The following SLC13A5 variants were observed in gnomAD, a reference collection of about 807,000 sequenced individuals.
SLC13A5 encodes Na(+)/citrate cotransporter.
In SLC13A5, 25 loss-of-function variants were observed where a neutral mutation model predicts 56.5. The ratio of observed to expected loss-of-function variants is 0.44; its 90% CI spans 0.32 to 0.62. The LOEUF is 0.62. Ranked by LOEUF, SLC13A5 falls within the 20% of genes least tolerant of loss-of-function variation. The pLI, the probability that SLC13A5 is intolerant of heterozygous loss-of-function variation, is 0.04. For missense variants in SLC13A5, 649 were observed against 737.8 expected, an observed-to-expected ratio of 0.88 and a Z score of 1.39; for synonymous variants, 307 against 301.5, an observed-to-expected ratio of 1.02 and a Z score of -0.19.
In SLC13A5 at chr17:6,713,211, C is replaced by T. The variant is rs1974086064; in HGVS notation, c.102+21G>A. 1 of 1,611,590 alleles carries T rather than the reference C, an allele frequency of 6.2e-7. No homozygotes were observed. The highest frequency in any genetic ancestry group is 1.3e-5 in the African/African-American group (1 of 74,886). ...CACAGGACGCCGGGTGTCCGAAGGG[C>T]TGCCTGGAGATGCAACTGACCTTGG... is the stretch of plus-strand genomic sequence containing the variant. On this transcript the variant is annotated intron_variant, in intron 1 of 11. Transcript: ENST00000433363. The surrounding 1 kb of genome is among the most constrained non-coding windows in gnomAD (Gnocchi z 7.3).
chr17:6,706,762 A>G lies in SLC13A5; in HGVS notation c.248T>C (p.Met83Thr). ...CAGGAACAGCATGTTGGTGTCCTTCATGTACTGGACACACACCTGGAGCGT... is the reference window on the plus strand; with the variant it reads ...CAGGAACAGCATGTTGGTGTCCTTCGTGTACTGGACACACACCTGGAGCGT... ...LDSRQVCVQYMKDTNMLFLGG... is the reference protein window; with the variant it reads ...LDSRQVCVQYTKDTNMLFLGG... Residue 83 changes from methionine (M) to threonine (T), a missense_variant, in exon 3 of 12, where the codon ATG (methionine) becomes ACG (threonine). Coordinates refer to ENST00000433363, the MANE Select transcript of SLC13A5 (RefSeq NM_177550.5). The G allele has an allele frequency of 6.2e-7, 1 of 1,614,064 alleles. No individual in the cohort carries two copies. The highest frequency in any genetic ancestry group is 8.5e-7 in the Non-Finnish European group (1 of 1,180,014).
intron 6 of SLC13A5, among the ~76,000 whole-genome samples, chr17:6,697,234 G>A (rs1210180711): frequency 6.6e-6 from 1 of 152,132 alleles, no homozygotes; most frequent in East Asian, 1.9e-4. Context: ...TGTCGTCCTA[G>A]AGACCCTGGG....
At chr17:6,710,213 G>A (rs1973983817) in intron 1 of SLC13A5, among the ~76,000 whole-genome samples, 1 of 152,252 alleles carries the variant, frequency 6.6e-6, no homozygotes, top group Non-Finnish European at 1.5e-5. Context: ...GCCTCCAGGG[G>A]CAGACAATGA....
intron 7 of SLC13A5, 106 bp from the exon 8 acceptor site, chr17:6,694,303 G>T: frequency 1.5e-6 from 1 of 659,686 alleles, no homozygotes; most frequent in Non-Finnish European, 2.7e-6. Context: ...AAAGAAACAG[G>T]CTCACAGCCT....
At chr17:6,712,297 T>C (rs1215814263) in intron 1 of SLC13A5, among the ~76,000 whole-genome samples, 1 of 152,132 alleles carries the variant, frequency 6.6e-6, no homozygotes, top group Non-Finnish European at 1.5e-5. Flanking sequence ...GTTTCCTGTC[T>C]GGGCTGAGAG....
rs929020795 is a variant in SLC13A5, at chr17:6,686,180, G to C, written c.*27C>G. On this transcript the variant is annotated 3_prime_UTR_variant, in exon 12 of 12. Transcript: ENST00000433363. ...TTCGGTAGTCCTGAGGAGGGTAAGG[G>C]CTGTGTGTGTGGTCTTGTGGCTCTT... 6.2e-7 allele frequency: 1 copy of C among 1,613,866 alleles called. No homozygotes were observed. Among genetic ancestry groups the C allele is most frequent in the Non-Finnish European group, 8.5e-7 (1 of 1,179,842 alleles).
At chr17:6,710,728 A>C (rs1973998377) in intron 1 of SLC13A5, among the ~76,000 whole-genome samples, 1 of 151,974 alleles carries the variant, frequency 6.6e-6, no homozygotes, top group Admixed American at 6.6e-5. Flanking sequence ...GTGTCCTGAC[A>C]CACCACTTAA....
At chr17:6,710,473 G>C (rs1973990522) in intron 1 of SLC13A5, among the ~76,000 whole-genome samples, 1 of 152,146 alleles carries the variant, frequency 6.6e-6, no homozygotes, top group Non-Finnish European at 1.5e-5. Context: ...AGAAGCAGTA[G>C]GTGGCGTGCG....
chr17:6,695,640 C>T, intron 7 of SLC13A5, 86 bp downstream of exon 7: 1 of 1,413,522 alleles, frequency 7.1e-7, no homozygotes, highest in South Asian at 1.3e-5. Context: ...ACCCACCCAC[C>T]TCAGCCTCCC....
At chr17:6,694,815 A>C (rs1186990981) in intron 7 of SLC13A5, among the ~76,000 whole-genome samples, 1 of 152,100 alleles carries the variant, frequency 6.6e-6, no homozygotes, top group Admixed American at 6.5e-5. Context: ...GACCATGAAG[A>C]CTTTGGTGCT....
In SLC13A5 at chr17:6,685,967, G is replaced by C. The variant is rs1351231305; in HGVS notation, c.*240C>G. On this transcript the variant is annotated 3_prime_UTR_variant, in exon 12 of 12. Transcript: ENST00000433363. The surrounding 1 kb of genome is among the most constrained non-coding windows in gnomAD (Gnocchi z 4.2). ...AGAGATAATGGCAAGGCTTGGGAAA[G>C]ATGGGTCCAGCAGCCCACTGAGGGG... The C allele has an allele frequency of 9.1e-6, 5 of 547,048 alleles. No individual in the cohort carries two copies. The highest frequency in any genetic ancestry group is 7.5e-5 in the African/African-American group (4 of 53,034). 33.9% of individuals were successfully genotyped at this position (547,048 alleles called of 1,614,324 possible).
intron 6 of SLC13A5, among the ~76,000 whole-genome samples, chr17:6,700,651 C>A (rs879518814): frequency 6.6e-6 from 1 of 152,098 alleles, no homozygotes. Flanking sequence ...TCAAAGTCAC[C>A]GGAAGCCAAA....
At chr17:6,712,657 T>G (rs187974048) in intron 1 of SLC13A5, among the ~76,000 whole-genome samples, 1 of 152,344 alleles carries the variant, frequency 6.6e-6, no homozygotes, top group East Asian at 1.9e-4. Flanking sequence ...TTGGAAGGAA[T>G]GTGGATCATA....
chr17:6,686,436 G>A, intron 11 of SLC13A5, 98 bp from the exon 12 acceptor site: 1 of 1,503,770 alleles, frequency 6.6e-7, no homozygotes, highest in Non-Finnish European at 9.1e-7. Flanking sequence ...CGATGTCCCT[G>A]TGCCATGCTC....
rs1973282849 is a variant in SLC13A5, at chr17:6,687,572, T to C, written c.1532A>G (p.Asn511Ser). 2.5e-6 allele frequency: 4 copies of C among 1,613,722 alleles called. No homozygotes were observed. Among genetic ancestry groups the C allele is most frequent in the Non-Finnish European group, 3.4e-6 (4 of 1,179,910 alleles). The change falls in exon 11 of 12, where the codon AAT becomes AGT. Residue 511 changes from asparagine to serine, a missense_variant. Transcript: ENST00000433363. The surrounding 1 kb of genome is among the most constrained non-coding windows in gnomAD (Gnocchi z 5.0). ...GTGCCCATAGGTGAACACGATGGCA[T>C]TTGGAGGGGTGGCCACAGGCAACAT... ...AFMLPVATPPNAIVFTYGHLK... is the reference protein window; with the variant it reads ...AFMLPVATPPSAIVFTYGHLK...
At chr17:6,707,950 GTTGTT>G (rs1362592456) in intron 1 of SLC13A5, among the ~76,000 whole-genome samples, 1 of 146,894 alleles carries the variant, frequency 6.8e-6, no homozygotes, top group African/African-American at 2.6e-5. Context: ...ACCTCCCTAG[GTTGTT>G]TTATGTTTCA....
rs1420677208 is a variant in SLC13A5, at chr17:6,692,153, A to ATGGC, written c.1275+890_1275+891insGCCA. On this transcript the variant is annotated intron_variant, in intron 9 of 11. Transcript: ENST00000433363. The surrounding 1 kb of genome is among the most constrained non-coding windows in gnomAD (Gnocchi z 5.5). Reference sequence around the variant, plus strand: ...GATGGATGGATGGATGGATGGATGGATGGATGGATGGATAGATGGGTGGAT... The same window carrying ATGGC: ...GATGGATGGATGGATGGATGGATGGATGGCTGGATGGATGGATAGATGGGTGGAT... 2.0e-5 allele frequency among the ~76,000 whole-genome samples: 3 copies of ATGGC among 151,544 alleles called. No homozygotes were observed. The highest frequency in any genetic ancestry group is 7.3e-5 in the African/African-American group (3 of 41,178).
chr17:6,703,055 A>T lies in SLC13A5; in HGVS notation c.631T>A (p.Cys211Ser). Residue 211 changes from cysteine (C) to serine (S), a missense_variant, in exon 5 of 12, where the codon TGC becomes AGC. Transcript: ENST00000433363. ...CCGATGCTGGCCGCGTAGCAGATGC[A>T]CAGGGTCATGGCCTTACACAACCTC... ...RKRLCKAMTL[C>S]ICYAASIGGT... The T allele has an allele frequency of 6.2e-7, 1 of 1,614,192 alleles. No homozygotes were observed. Among genetic ancestry groups the T allele is most frequent in the South Asian group, 1.1e-5 (1 of 91,072 alleles).
chr17:6,687,395 C>G lies in SLC13A5; in HGVS notation c.1575+134G>C. 8.4e-7 allele frequency: 1 copy of G among 1,189,430 alleles called. No individual in the cohort carries two copies. Among genetic ancestry groups the G allele is most frequent in the Non-Finnish European group, 1.2e-6 (1 of 825,898 alleles). The allele number at this position is 1,189,430 out of a possible 1,614,324, so 73.7% of individuals were successfully genotyped here. A position where few individuals can be genotyped will look rare whatever the true frequency, so the allele number is the denominator to read the frequency against. On this transcript the variant is annotated intron_variant, in intron 11 of 11. Coordinates refer to ENST00000433363, the MANE Select transcript of SLC13A5 (RefSeq NM_177550.5). This position sits in a 1 kb window ranked among gnomAD's most constrained non-coding sequence, Gnocchi z 5.0. ...GCTGCATTATAAATGTCAACAATGG[C>G]TACAGGTCTGGATGTTCCGTGGCAT...
Sources: allele counts gnomAD v4.1 joint callset (sites outside exome capture counted in the v4.1 genomes callset), GRCh38; gene constraint gnomAD v4.1.1; non-coding constraint Gnocchi (gnomAD v3.1); transcripts MANE v1.5; gene names NCBI Gene and HGNC (gene_info 2026-07-23, HGNC 2026-07-21).